BICRAL: variants seen among roughly 807,000 people sequenced by gnomAD.
The protein encoded by BICRAL is BICRA like chromatin remodeling complex associated protein.
Under a neutral mutation model 91.8 loss-of-function variants are expected in BICRAL, and 8 were observed. That is an observed-to-expected ratio of 0.09 (90% CI 0.05 to 0.16). The LOEUF (loss-of-function observed/expected upper bound fraction) is 0.16, where lower values mean the gene tolerates loss of function less well. Ranked by LOEUF, BICRAL falls within the 10% of genes least tolerant of loss-of-function variation. The pLI is 1.00. For missense variants in BICRAL, 1,038 were observed against 1,310.9 expected (o/e 0.79, Z 3.21); for synonymous variants, 445 against 491.1 (o/e 0.91, Z 1.24).
At chr6:42,755,696 G>A (rs1299045746) in intron 1 of BICRAL, among the ~76,000 whole-genome samples, 5 of 147,356 alleles carry the variant, frequency 3.4e-5, no homozygotes, top group African/African-American at 1.3e-4. Flanking sequence ...TTGAGATGGA[G>A]TCTTGCTCTG....
At chr6:42,788,743 A>T (rs1392198066) in intron 1 of BICRAL, among the ~76,000 whole-genome samples, 1 of 152,178 alleles carries the variant, frequency 6.6e-6, no homozygotes, top group African/African-American at 2.4e-5. Context: ...TAATTTCAGG[A>T]AAGATGGACA....
chr6:42,814,519 A>ATATATTTTT (rs1237976324), intron 2 of BICRAL, among the ~76,000 whole-genome samples: 3 of 80,236 alleles, frequency 3.7e-5, no homozygotes, highest in Non-Finnish European at 4.2e-5. Context: ...ATATATATAT[A>ATATATTTTT]TTTTTTTTTT....
chr6:42,755,572 C>G (rs1379532797), intron 1 of BICRAL, among the ~76,000 whole-genome samples: 2 of 152,110 alleles, frequency 1.3e-5, no homozygotes, highest in African/African-American at 4.8e-5. Flanking sequence ...AGACCCACCT[C>G]TTTGTCTCTC....
At chr6:42,761,415 A>G (rs1222310867) in intron 1 of BICRAL, among the ~76,000 whole-genome samples, 2 of 152,160 alleles carry the variant, frequency 1.3e-5, no homozygotes, top group African/African-American at 2.4e-5. Context: ...CACCACTGCA[A>G]TCCAGCCTGG....
At chr6:42,755,460 C>A (rs911871450) in intron 1 of BICRAL, among the ~76,000 whole-genome samples, 7 of 152,148 alleles carry the variant, frequency 4.6e-5, no homozygotes, top group African/African-American at 1.4e-4. Flanking sequence ...CCCCAAGACC[C>A]TCACTGCCTG....
intron 2 of BICRAL, among the ~76,000 whole-genome samples, chr6:42,814,520 T>TATATATATATATATATATATA (rs1491538864): frequency 7.3e-5 from 3 of 41,182 alleles, no homozygotes; most frequent in East Asian, 7.6e-4. Flanking sequence ...TATATATATA[T>TATATATATATATATATATATA]TTTTTTTTTT....
intron 5 of BICRAL, among the ~76,000 whole-genome samples, chr6:42,825,221 C>T (rs530025573): frequency 7.0e-6 from 1 of 142,706 alleles, no homozygotes; most frequent in East Asian, 2.1e-4. Context: ...GATCACGCCA[C>T]TGCACTCCAG....
intron 1 of BICRAL, among the ~76,000 whole-genome samples, chr6:42,796,231 C>CG (rs1763410181): frequency 1.3e-5 from 2 of 152,022 alleles, no homozygotes; most frequent in South Asian, 4.1e-4. Context: ...GATAGGAAGA[C>CG]GGGGAGTGCT....
chr6:42,761,932 C>G (rs1762557028), intron 1 of BICRAL, among the ~76,000 whole-genome samples: 1 of 151,922 alleles, frequency 6.6e-6, no homozygotes, highest in Non-Finnish European at 1.5e-5. Context: ...AAAAGAAATA[C>G]GTACTTCTTT....
At chr6:42,809,114 A>T (rs1763787245) in intron 1 of BICRAL, among the ~76,000 whole-genome samples, 2 of 147,378 alleles carry the variant, frequency 1.4e-5, no homozygotes, top group Non-Finnish European at 3.0e-5. Flanking sequence ...ACCCCCCCCA[A>T]CAGGCCCCGG....
At chr6:42,770,453 TG>T (rs1286574339) in intron 1 of BICRAL, among the ~76,000 whole-genome samples, 2 of 146,104 alleles carry the variant, frequency 1.4e-5, no homozygotes, top group Non-Finnish European at 3.0e-5. Flanking sequence ...TTGCTCATAT[TG>T]CCCAGACTGG....
intron 5 of BICRAL, among the ~76,000 whole-genome samples, chr6:42,826,586 A>AT (rs1764310176): frequency 6.6e-6 from 1 of 151,686 alleles, no homozygotes; most frequent in African/African-American, 2.4e-5. Context: ...GACCTGGGGG[A>AT]TTGGAGTGTC....
chr6:42,814,256 A>T, intron 2 of BICRAL, among the ~76,000 whole-genome samples: 1 of 132,842 alleles, frequency 7.5e-6, no homozygotes, highest in South Asian at 2.4e-4. Flanking sequence ...TTTTTTTGAG[A>T]CACGGTCTCA....
intron 1 of BICRAL, among the ~76,000 whole-genome samples, chr6:42,788,944 G>A (rs1763187999): frequency 6.6e-6 from 1 of 152,180 alleles, no homozygotes; most frequent in African/African-American, 2.4e-5. Context: ...GCGAAGAGCA[G>A]GCAGGTGATC....
chr6:42,771,210 T>C (rs551725086), intron 1 of BICRAL, among the ~76,000 whole-genome samples: 261 of 152,274 alleles, frequency 1.7e-3, no homozygotes, highest in African/African-American at 5.8e-3. Context: ...TTGGCGGGTG[T>C]TGCAGGCAGG....
At chr6:42,770,770 A>G (rs1762707586) in intron 1 of BICRAL, among the ~76,000 whole-genome samples, 1 of 151,542 alleles carries the variant, frequency 6.6e-6, no homozygotes, top group South Asian at 2.1e-4. Context: ...CACTCACTGT[A>G]GCCTCCACCT....
chr6:42,770,420 T>A (rs1346646887), intron 1 of BICRAL, among the ~76,000 whole-genome samples: 19 of 146,654 alleles, frequency 1.3e-4, no homozygotes, highest in African/African-American at 4.0e-4. Context: ...TTATTTTTTT[T>A]TTTTTTTTTT....
intron 1 of BICRAL, among the ~76,000 whole-genome samples, chr6:42,792,392 T>G (rs1194120396): frequency 6.6e-6 from 1 of 151,784 alleles, no homozygotes; most frequent in Non-Finnish European, 1.5e-5. Flanking sequence ...CAGCCTCTAC[T>G]GAGTAGCTGG....
Position 42,860,267 on chromosome 6 carries a change from A to C in BICRAL, c.2260A>C (p.Asn754His), listed in dbSNP as rs776056955. ...PTEEDLRKVD[N>H]EFETVATQLL... The stretch of plus-strand genomic sequence containing the variant: ...TTGTCTCTCTCTTTTTAAAGTGGAC[A>C]ATGAATTTGAGACAGTTGCCACTCA... The change falls in exon 11 of 13, where the codon AAT becomes CAT. Residue 754 changes from asparagine to histidine, a missense_variant. Asn to His is a moderately conservative substitution (Grantham distance 68, BLOSUM62 1). Transcript: ENST00000314073. 7 of 1,585,796 alleles carry C rather than the reference A, an allele frequency of 4.4e-6. No individual in the cohort carries two copies. In the Admixed American group the frequency reaches 1.2e-4, roughly 26 times the overall value.
Sources: allele counts gnomAD v4.1 joint callset (sites outside exome capture counted in the v4.1 genomes callset), GRCh38; gene constraint gnomAD v4.1.1; transcripts MANE v1.5; gene names NCBI Gene and HGNC (gene_info 2026-07-23, HGNC 2026-07-21).